Variants in MTARC2 observed in about 807,000 individuals in gnomAD.
The protein encoded by MTARC2 is MOCO sulphurase C-terminal domain containing 2.
In MTARC2, 27 loss-of-function variants were observed where a neutral mutation model predicts 35.6. The observed-to-expected ratio is 0.76, with a 90% CI of 0.56 to 1.04. MTARC2 has a LOEUF of 1.04. Among genes scored for constraint, MTARC2 ranks in the 50% least tolerant of loss-of-function variants. The pLI is 0.00. For missense variants in MTARC2, 412 were observed against 432.5 expected (o/e 0.95, Z 0.42); for synonymous variants, 158 against 167.1 (o/e 0.95, Z 0.42).
intron 2 of MTARC2, among the ~76,000 whole-genome samples, chr1:220,755,414 G>T: frequency 6.6e-6 from 1 of 152,184 alleles, no homozygotes; most frequent in East Asian, 1.9e-4. Flanking sequence ...CTGGAGGCAC[G>T]CTACGCCACG....
intron 2 of MTARC2, among the ~76,000 whole-genome samples, chr1:220,757,321 T>C (rs1044599940): frequency 6.6e-6 from 1 of 152,246 alleles, no homozygotes; most frequent in African/African-American, 2.4e-5. Context: ...TGCATTTGGA[T>C]TGATGCAGAG....
At chr1:220,754,106 TA>T (rs1333930991) in intron 1 of MTARC2, among the ~76,000 whole-genome samples, 1 of 152,164 alleles carries the variant, frequency 6.6e-6, no homozygotes, top group Non-Finnish European at 1.5e-5. Flanking sequence ...TAAACTGTGA[TA>T]TTGAAATTTA....
Position 220,761,811 on chromosome 1 carries a change from G to C in MTARC2, c.600G>C (p.Gln200His), listed in dbSNP as rs1388246125. The change falls in exon 3 of 8, where the codon CAG becomes CAC. Residue 200 changes from glutamine (Q) to histidine (H), a missense_variant. Gln to His is a conservative substitution (Grantham distance 24). Coordinates refer to ENST00000366913, the MANE Select transcript of MTARC2 (RefSeq NM_017898.5). Reference protein sequence around the residue: ...TSRKLLPTLDQNFQVAYPDYC... With the variant: ...TSRKLLPTLDHNFQVAYPDYC... ...GAAAACTTCTCCCCACTCTTGATCA[G>C]AATTTCCAGGTGAGCTTACAGAGAG... The C allele has an allele frequency of 6.2e-7, 1 of 1,607,722 alleles. No individual in the cohort carries two copies. The highest frequency in any genetic ancestry group is 8.5e-7 in the Non-Finnish European group (1 of 1,177,838).
intron 4 of MTARC2, among the ~76,000 whole-genome samples, chr1:220,770,894 A>T (rs1030867992): frequency 6.6e-6 from 1 of 152,244 alleles, no homozygotes; most frequent in African/African-American, 2.4e-5. Context: ...CAGTGAATAC[A>T]CTTCAGAGCA....
intron 4 of MTARC2, chr1:220,770,301 G>A: frequency 1.4e-6 from 1 of 735,352 alleles, no homozygotes; most frequent in Non-Finnish European, 1.7e-6. Context: ...AGACCTTGTT[G>A]AACTGAATTC....
rs375790451 is a variant in MTARC2, at chr1:220,770,094, A to G, written c.750+7044A>G. ...TACACTCCAGCCTGGGCGACAGAGC[A>G]AGACTCTGTCTCAAAAAAACAAAAA... On this transcript the variant is annotated intron_variant, in intron 4 of 7. Coordinates refer to ENST00000366913, the MANE Select transcript of MTARC2 (RefSeq NM_017898.5). Among the ~76,000 whole-genome samples, 836 of 152,108 alleles carry G rather than the reference A, an allele frequency of 5.5e-3. 7 individuals carry two copies. The East Asian group carries it at 0.056, about 10-fold the overall frequency.
At chr1:220,771,686 C>T (rs529537710) in intron 4 of MTARC2, among the ~76,000 whole-genome samples, 2 of 151,912 alleles carry the variant, frequency 1.3e-5, no homozygotes, top group East Asian at 3.9e-4. Flanking sequence ...GCTTGAAAAA[C>T]ACAGTATAGA....
intron 4 of MTARC2, among the ~76,000 whole-genome samples, chr1:220,769,830 C>G (rs556413531): frequency 1.4e-5 from 2 of 145,562 alleles, no homozygotes; most frequent in Non-Finnish European, 3.0e-5. Context: ...CTGATAGAAC[C>G]GCTGCATTGG....
intron 4 of MTARC2, among the ~76,000 whole-genome samples, chr1:220,774,767 T>C (rs1671847293): frequency 1.3e-5 from 2 of 152,232 alleles, no homozygotes; most frequent in South Asian, 4.1e-4. Flanking sequence ...CTTATACTTC[T>C]GTGGTCAGCT....
intron 1 of MTARC2, among the ~76,000 whole-genome samples, chr1:220,753,605 T>C (rs1376558979): frequency 6.6e-6 from 1 of 152,148 alleles, no homozygotes; most frequent in Non-Finnish European, 1.5e-5. Flanking sequence ...TTTTGGAATG[T>C]CTCCCTGGGA....
intron 4 of MTARC2, among the ~76,000 whole-genome samples, chr1:220,766,717 C>T (rs1275144809): frequency 1.3e-5 from 2 of 152,070 alleles, no homozygotes; most frequent in Non-Finnish European, 2.9e-5. Flanking sequence ...CCTTGCCAAC[C>T]TATAATTTTT....
intron 2 of MTARC2, among the ~76,000 whole-genome samples, chr1:220,760,045 G>A (rs1671399847): frequency 1.3e-5 from 2 of 152,082 alleles, no homozygotes; most frequent in South Asian, 4.1e-4. Flanking sequence ...CCCTTCCCAT[G>A]GTAGATGAGG....
chr1:220,767,430 G>C (rs570470482), intron 4 of MTARC2, among the ~76,000 whole-genome samples: 14 of 152,324 alleles, frequency 9.2e-5, no homozygotes, highest in African/African-American at 3.4e-4. Context: ...AACATTTACT[G>C]TCTGTGGCCT....
At chr1:220,753,109 T>A (rs1198340551) in intron 1 of MTARC2, among the ~76,000 whole-genome samples, 1 of 149,908 alleles carries the variant, frequency 6.7e-6, no homozygotes, top group Non-Finnish European at 1.5e-5. Flanking sequence ...GTGCCTGTAG[T>A]CCCAGCTACA....
In MTARC2 at chr1:220,755,073, G is replaced by A. The variant is rs766680219; in HGVS notation, c.399G>A (p.Leu133=). Residue 133 remains leucine (L), a synonymous_variant, in exon 2 of 8, where the codon CTG becomes CTA. Transcript: ENST00000366913. ...LIFRAPDMDQ[L]VLPSKQPSSN... ...TCAGGGCTCCAGACATGGACCAGCT[G>A]GTTTTGCCTAGCAAGCAGCCTTCCT... 1 of 1,612,844 alleles carries A rather than the reference G, an allele frequency of 6.2e-7. No homozygotes were observed. The highest frequency in any genetic ancestry group is 1.1e-5 in the South Asian group (1 of 90,816).
intron 2 of MTARC2, among the ~76,000 whole-genome samples, chr1:220,757,820 A>G (rs1228883206): frequency 1.3e-5 from 2 of 152,348 alleles, no homozygotes; most frequent in African/African-American, 2.4e-5. Context: ...AGCCCCTAAC[A>G]GATGGTAAGC....
At chr1:220,760,021 C>T (rs1033604552) in intron 2 of MTARC2, among the ~76,000 whole-genome samples, 15 of 152,090 alleles carry the variant, frequency 9.9e-5, no homozygotes, top group African/African-American at 1.9e-4. Flanking sequence ...AGCCTTCCCA[C>T]GGGGAGGGGC....
chr1:220,781,991 G>A (rs191467985), intron 7 of MTARC2, 59 bp downstream of exon 7: 3 of 1,423,852 alleles, frequency 2.1e-6, no homozygotes, highest in Non-Finnish European at 2.8e-6. Flanking sequence ...GCATTTTCTT[G>A]TGTTAATTTT....
chr1:220,772,952 A>G (rs77299590), intron 4 of MTARC2, among the ~76,000 whole-genome samples: 3,624 of 152,296 alleles, frequency 0.024, 111 homozygotes, highest in African/African-American at 0.064. Flanking sequence ...TCCTGGCACA[A>G]GCTCCTAAGC....
Sources: gnomAD v4.1 joint callset for allele counts (sites outside exome capture counted in the v4.1 genomes callset) on GRCh38, gnomAD v4.1.1 for gene constraint, MANE v1.5 for transcripts, NCBI Gene and HGNC (gene_info 2026-07-23, HGNC 2026-07-21) for gene names.